Variants in METTL24 observed in about 807,000 individuals in gnomAD.
The protein encoded by METTL24 is methyltransferase like 24, also known as probable methyltransferase-like protein 24.
In METTL24, 29 loss-of-function variants were observed where a neutral mutation model predicts 32.7. The observed-to-expected ratio is 0.89, with a 90% CI of 0.66 to 1.21. METTL24 has a LOEUF of 1.21. METTL24 is among the 50% of genes most tolerant of loss of function. The pLI, the probability that METTL24 is intolerant of heterozygous loss-of-function variation, is 0.00. For synonymous variants in METTL24, 163 were observed against 179.5 expected (o/e 0.91, Z 0.73); for missense variants, 439 against 468.1 (o/e 0.94, Z 0.57).
At chr6:110,316,816 G>A (rs964388991) in intron 2 of METTL24, among the ~76,000 whole-genome samples, 1 of 152,144 alleles carries the variant, frequency 6.6e-6, no homozygotes, top group African/African-American at 2.4e-5. Flanking sequence ...GAGCCTGGAA[G>A]GTTGAGGCTG....
At chr6:110,252,912 C>G (rs1268840607) in intron 4 of METTL24, among the ~76,000 whole-genome samples, 2 of 152,150 alleles carry the variant, frequency 1.3e-5, no homozygotes, top group Admixed American at 1.3e-4. Context: ...TCTTAAAATT[C>G]TTCACTAGTT....
intron 1 of METTL24, among the ~76,000 whole-genome samples, chr6:110,345,985 G>A (rs751011301): frequency 1.3e-5 from 2 of 152,106 alleles, no homozygotes; most frequent in Admixed American, 6.5e-5. Flanking sequence ...ACATCAAACC[G>A]ATTACAAATG....
intron 4 of METTL24, among the ~76,000 whole-genome samples, chr6:110,298,298 C>T (rs1030499205): frequency 6.6e-6 from 1 of 152,178 alleles, no homozygotes; most frequent in African/African-American, 2.4e-5. Context: ...CTAAAAATTG[C>T]TTTCAAAGAA....
At chr6:110,262,441 C>T (rs1461687986) in intron 4 of METTL24, among the ~76,000 whole-genome samples, 6 of 152,102 alleles carry the variant, frequency 3.9e-5, no homozygotes, top group Non-Finnish European at 5.9e-5. Context: ...ACTGAATAGA[C>T]CAATAACAGG....
intron 4 of METTL24, among the ~76,000 whole-genome samples, chr6:110,284,810 A>G (rs567323964): frequency 4.7e-5 from 7 of 148,652 alleles, no homozygotes; most frequent in Admixed American, 3.9e-4. Context: ...TCTGAGCTAG[A>G]TGACATTAAA....
chr6:110,339,014 G>C (rs1321342551), intron 1 of METTL24, among the ~76,000 whole-genome samples: 1 of 152,184 alleles, frequency 6.6e-6, no homozygotes, highest in Non-Finnish European at 1.5e-5. Context: ...AACTGTTCTG[G>C]TCTACTTCTA....
chr6:110,346,865 A>C lies in METTL24; in HGVS notation c.318+11090T>G, dbSNP rs551856544. 2.1e-3 allele frequency among the ~76,000 whole-genome samples: 317 copies of C among 152,282 alleles called. 1 individual carries two copies. In the Middle Eastern group the frequency reaches 0.024, roughly 11 times the overall value. ...TTCCAGTATGATGGAGGTGAAATAG[A>C]AATCTCACTGTGTTTTGATTTTCTT... is the stretch of plus-strand genomic sequence containing the variant. On this transcript the variant is annotated intron_variant, in intron 1 of 4. Coordinates refer to ENST00000338882, the MANE Select transcript of METTL24 (RefSeq NM_001123364.3).
chr6:110,337,392 C>A (rs1231982615), intron 1 of METTL24, among the ~76,000 whole-genome samples: 1 of 152,094 alleles, frequency 6.6e-6, no homozygotes, highest in Non-Finnish European at 1.5e-5. Flanking sequence ...ACCTATGTAA[C>A]AAACCTTCAC....
intron 3 of METTL24, among the ~76,000 whole-genome samples, chr6:110,304,738 A>T (rs753857399): frequency 3.9e-5 from 6 of 152,226 alleles, no homozygotes; most frequent in Non-Finnish European, 7.3e-5. Flanking sequence ...ACACTTCAGG[A>T]TATTATCCAG....
intron 4 of METTL24, among the ~76,000 whole-genome samples, chr6:110,259,800 T>C (rs1405220569): frequency 1.3e-5 from 2 of 152,190 alleles, no homozygotes; most frequent in African/African-American, 4.8e-5. Flanking sequence ...CAACATTGGC[T>C]GTTCACCAAT....
At chr6:110,318,575 C>T (rs533331514) in intron 2 of METTL24, among the ~76,000 whole-genome samples, 5 of 148,268 alleles carry the variant, frequency 3.4e-5, no homozygotes, top group South Asian at 2.2e-4. Context: ...TGCTTGAAAC[C>T]GGGAGGGCGG....
At position 110,313,089 on chromosome 6, in the gene METTL24, T is replaced by C. The variant is rs549097340; in HGVS notation, c.557+2253A>G. Among the ~76,000 whole-genome samples the C allele has an allele frequency of 3.9e-5, 6 of 152,384 alleles. No individual in the cohort carries two copies. The East Asian group carries it at 1.2e-3, about 29-fold the overall frequency. ...TCCCCTGTCATAGCTGAAGTGTGAA[T>C]TGGCCTTATGTTCCCTGCCTCCAGA... On this transcript the variant is annotated intron_variant, in intron 3 of 4. Coordinates refer to ENST00000338882, the MANE Select transcript of METTL24 (RefSeq NM_001123364.3).
At chr6:110,335,513 C>A (rs1262326929) in intron 1 of METTL24, among the ~76,000 whole-genome samples, 5 of 147,472 alleles carry the variant, frequency 3.4e-5, no homozygotes, top group Non-Finnish European at 6.0e-5. Flanking sequence ...ACAAAAGACA[C>A]AAACAATTTC....
At chr6:110,269,839 A>T (rs746307594) in intron 4 of METTL24, among the ~76,000 whole-genome samples, 1 of 152,192 alleles carries the variant, frequency 6.6e-6, no homozygotes, top group Non-Finnish European at 1.5e-5. Context: ...AGGAGGTAGA[A>T]GAAGAGCATA....
At chr6:110,263,922 A>G (rs1451363231) in intron 4 of METTL24, among the ~76,000 whole-genome samples, 3 of 152,244 alleles carry the variant, frequency 2.0e-5, no homozygotes, top group African/African-American at 7.2e-5. Flanking sequence ...AGCCATATGT[A>G]GAAAGTTGAA....
chr6:110,341,729 T>C (rs1450971849), intron 1 of METTL24, among the ~76,000 whole-genome samples: 1 of 152,194 alleles, frequency 6.6e-6, no homozygotes, highest in Non-Finnish European at 1.5e-5. Context: ...TCTGACCTCA[T>C]CTGATCTGGA....
chr6:110,350,377 T>C (rs1772570581), intron 1 of METTL24, among the ~76,000 whole-genome samples: 1 of 152,138 alleles, frequency 6.6e-6, no homozygotes, highest in Non-Finnish European at 1.5e-5. Flanking sequence ...TTCAGTTGGG[T>C]CTGCCACTTG....
intron 4 of METTL24, among the ~76,000 whole-genome samples, chr6:110,288,214 T>C (rs1771258201): frequency 6.6e-6 from 1 of 152,068 alleles, no homozygotes; most frequent in Non-Finnish European, 1.5e-5. Flanking sequence ...GTGTTTCTCC[T>C]CTGGTCCTGT....
At chr6:110,301,372 T>C (rs78515401) in intron 3 of METTL24, among the ~76,000 whole-genome samples, 5,378 of 152,278 alleles carry the variant, frequency 0.035, 340 homozygotes, top group African/African-American at 0.12. Flanking sequence ...CCATCCACAC[T>C]ACTCCATGCT....
Sources: allele counts gnomAD v4.1 joint callset (sites outside exome capture counted in the v4.1 genomes callset), GRCh38; gene constraint gnomAD v4.1.1; transcripts MANE v1.5; gene names NCBI Gene and HGNC (gene_info 2026-07-23, HGNC 2026-07-21).